Variants in SMC4 observed in about 807,000 individuals in gnomAD.
The protein encoded by SMC4 is structural maintenance of chromosomes 4, also known as structural maintenance of chromosomes protein 4.
In SMC4, 87 loss-of-function variants were observed where a neutral mutation model predicts 145.6. The observed-to-expected ratio is 0.60, with a 90% CI of 0.50 to 0.71. The LOEUF (loss-of-function observed/expected upper bound fraction) is 0.71, where lower values mean the gene tolerates loss of function less well. Ranked by LOEUF, SMC4 falls within the 30% of genes least tolerant of loss-of-function variation. The pLI is 0.00. For synonymous variants in SMC4, 558 were observed against 500.7 expected, an observed-to-expected ratio of 1.11 and a Z score of -1.53; for missense variants, 1,447 against 1,537.1, an observed-to-expected ratio of 0.94 and a Z score of 0.98.
At chr3:160,418,109 C>T (rs1716779791) in intron 11 of SMC4, among the ~76,000 whole-genome samples, 153 bp downstream of exon 11, 1 of 152,046 alleles carries the variant, frequency 6.6e-6, no homozygotes, top group Non-Finnish European at 1.5e-5. Context: ...TTCAGTATTC[C>T]ATATGTGAAC....
intron 11 of SMC4, 130 bp downstream of exon 11, chr3:160,418,086 A>G (rs1716777638): frequency 6.9e-6 from 5 of 725,500 alleles, no homozygotes; most frequent in Non-Finnish European, 9.2e-6. Context: ...TCTCAAAAGA[A>G]TGAGGTCAGC....
Position 160,420,787 on chromosome 3 carries a change from C to G in SMC4, c.1905C>G (p.Ser635=). 1 of 1,613,950 alleles carries G rather than the reference C, an allele frequency of 6.2e-7. No homozygotes were observed. The highest frequency in any genetic ancestry group is 8.5e-7 in the Non-Finnish European group (1 of 1,179,936). Residue 635 remains serine, a synonymous_variant, in exon 13 of 24, where the codon TCC becomes TCG. Coordinates refer to ENST00000357388, the MANE Select transcript of SMC4 (RefSeq NM_001002800.3). ...AAAAATACGACGTGGCTATATCATC[C>G]TGTTGTCATGCACTGGACTACATTG... is the stretch of plus-strand genomic sequence containing the variant. The part of the protein sequence containing the change: ...IDEKYDVAIS[S]CCHALDYIVV...
chr3:160,413,583 C>A lies in SMC4; in HGVS notation c.1091C>A (p.Ala364Asp). The A allele has an allele frequency of 1.4e-6, 2 of 1,457,342 alleles. No homozygotes were observed. Among genetic ancestry groups the A allele is most frequent in the Non-Finnish European group, 1.9e-6 (2 of 1,066,604 alleles). 90.3% of individuals were successfully genotyped at this position (1,457,342 alleles called of 1,614,324 possible). Residue 364 changes from alanine (A) to aspartate (D), a missense_variant, in exon 8 of 24, where the codon GCT becomes GAT. Transcript: ENST00000357388. ...AATATACTATCAAATGAAATGAAAG[C>A]TAAGAATAAAGATGTAAAAGATACA... ...KSNILSNEMKAKNKDVKDTEK... is the reference protein window; with the variant it reads ...KSNILSNEMKDKNKDVKDTEK...
chr3:160,422,400 T>C (rs955115795), intron 13 of SMC4, among the ~76,000 whole-genome samples: 9 of 152,240 alleles, frequency 5.9e-5, no homozygotes, highest in African/African-American at 1.7e-4. Context: ...TTAGTGAATA[T>C]GAAGTGGTAT....
chr3:160,433,432 G>A (rs1718635104), intron 23 of SMC4: 2 of 538,528 alleles, frequency 3.7e-6, no homozygotes, highest in South Asian at 3.1e-5. Context: ...ATTAGTAGCA[G>A]AATCACAGCT....
intron 12 of SMC4, 156 bp from the exon 13 acceptor site, chr3:160,420,584 A>G: frequency 1.6e-6 from 1 of 608,782 alleles, no homozygotes; most frequent in Non-Finnish European, 2.7e-6. Context: ...TCATAAACTT[A>G]TACATATTTT....
At chr3:160,426,409 G>A (rs1052215679) in intron 17 of SMC4, among the ~76,000 whole-genome samples, 3 of 152,184 alleles carry the variant, frequency 2.0e-5, no homozygotes, top group African/African-American at 7.2e-5. Flanking sequence ...CACACAGCAC[G>A]TGGTGGTATA....
intron 4 of SMC4, among the ~76,000 whole-genome samples, chr3:160,403,201 A>T (rs1423450140): frequency 1.3e-5 from 2 of 152,146 alleles, no homozygotes; most frequent in African/African-American, 2.4e-5. Context: ...TTTAGAATAA[A>T]TTAGCTAAAC....
At chr3:160,421,323 G>T (rs893641068) in intron 13 of SMC4, among the ~76,000 whole-genome samples, 2 of 152,078 alleles carry the variant, frequency 1.3e-5, no homozygotes, top group African/African-American at 4.8e-5. Context: ...GGGTTTTGAC[G>T]ATTATTTTAT....
rs1717435700 is a variant in SMC4 at position 160,423,588 on chromosome 3, C to T, written c.2183C>T (p.Ala728Val). 7.4e-6 allele frequency: 12 copies of T among 1,613,460 alleles called. No homozygotes were observed. The highest frequency in any genetic ancestry group is 1.0e-5 in the Non-Finnish European group (12 of 1,179,772). The stretch of plus-strand genomic sequence containing the variant: ...AACTTGGATCAAGCCACAAGAGTAG[C>T]ATATCAAAAAGATAGAAGATGGAGA... ...ADNLDQATRV[A>V]YQKDRRWRVV... is the part of the protein sequence containing the mutation. The change falls in exon 14 of 24, where the codon GCA becomes GTA. Residue 728 changes from alanine (A) to valine (V), a missense_variant. Coordinates refer to ENST00000357388, the MANE Select transcript of SMC4 (RefSeq NM_001002800.3).
rs758896273 is a variant in SMC4, at chr3:160,433,637, TTTTC to T, written c.3715-16_3715-13del. The T allele has an allele frequency of 2.0e-5, 29 of 1,467,050 alleles. No homozygotes were observed. Among genetic ancestry groups the T allele is most frequent in the African/African-American group, 4.3e-5 (3 of 69,736 alleles). 90.9% of individuals were successfully genotyped at this position (1,467,050 alleles called of 1,614,324 possible). A position where few individuals can be genotyped will look rare whatever the true frequency, so the allele number is the denominator to read the frequency against. Reference sequence around the variant, plus strand: ...TACCTGTTATTACTTAATGTTTGACTTTTCTTTGTTTCTCTTTAGGAACAAACAA... The same window carrying T: ...TACCTGTTATTACTTAATGTTTGACTTTTGTTTCTCTTTAGGAACAAACAA... On this transcript the variant is annotated splice_polypyrimidine_tract_variant and intron_variant, in intron 23 of 23. Transcript: ENST00000357388.
At chr3:160,420,349 T>G (rs1717033097) in intron 12 of SMC4, among the ~76,000 whole-genome samples, 1 of 152,252 alleles carries the variant, frequency 6.6e-6, no homozygotes, top group African/African-American at 2.4e-5. Context: ...CCTATTCATT[T>G]GCTCTCAAAG....
rs1393008413 is a variant in SMC4, at chr3:160,433,859, T to G, written c.*50T>G. ...TTGATTCAGTGTATTACTGATTTTT[T>G]TCTATTTGTAAAGGATTATGAGTTG... On this transcript the variant is annotated 3_prime_UTR_variant, in exon 24 of 24. Transcript: ENST00000357388. 2.8e-6 allele frequency: 4 copies of G among 1,424,836 alleles called. No individual in the cohort carries two copies. Among genetic ancestry groups the G allele is most frequent in the Non-Finnish European group, 3.9e-6 (4 of 1,034,466 alleles). The allele number at this position is 1,424,836 out of a possible 1,614,324, so 88.3% of individuals were successfully genotyped here. A position where few individuals can be genotyped will look rare whatever the true frequency, so the allele number is the denominator to read the frequency against.
intron 10 of SMC4, 153 bp downstream of exon 10, chr3:160,416,568 T>C: frequency 2.3e-6 from 1 of 440,924 alleles, no homozygotes; most frequent in Admixed American, 4.0e-5. Flanking sequence ...CTTAGATGAC[T>C]ATTCTTTTAA....
In SMC4 at chr3:160,412,391, C is replaced by A. The variant is rs774992051; in HGVS notation, c.918C>A (p.Ile306=). The change falls in exon 7 of 24, where the codon ATC becomes ATA. Residue 306 remains isoleucine (I), a synonymous_variant. Coordinates refer to ENST00000357388, the MANE Select transcript of SMC4 (RefSeq NM_001002800.3). ...TAGAAGGAGAGAAAAACATAGCTAT[C>A]GAATTTCTTACCTTGGAAAATGAAA... The part of the protein sequence containing the change: ...DALEGEKNIA[I]EFLTLENEIF... 3.1e-6 allele frequency: 5 copies of A among 1,603,966 alleles called. No individual in the cohort carries two copies. In the African/African-American group the frequency reaches 6.7e-5, roughly 21 times the overall value.
At chr3:160,401,865 G>A in intron 2 of SMC4, 50 bp from the exon 3 acceptor site, 1 of 1,477,470 alleles carries the variant, frequency 6.8e-7, no homozygotes, top group Non-Finnish European at 9.2e-7. Context: ...ACTAATGTAG[G>A]CTTTTCCCCC....
intron 22 of SMC4, 38 bp downstream of exon 22, chr3:160,432,553 CT>C (rs1176144266): frequency 8.7e-6 from 11 of 1,260,210 alleles, no homozygotes; most frequent in Non-Finnish European, 1.2e-5. Context: ...CCACTGTTAC[CT>C]TTTTCTACAT....
chr3:160,413,496 C>T lies in SMC4; in HGVS notation c.1004C>T (p.Ala335Val), dbSNP rs140022100. ...YYIYELQKRI[A>V]EMETQKEKIH... The stretch of plus-strand genomic sequence containing the variant: ...AGTTATGAGTTGCAGAAACGAATTG[C>T]TGAAATGGAAACTCAAAAGGAAAAA... The change falls in exon 8 of 24, where the codon GCT (alanine) becomes GTT (valine). Residue 335 changes from alanine to valine, a missense_variant. Transcript: ENST00000357388. 3 of 1,576,466 alleles carry T rather than the reference C, an allele frequency of 1.9e-6. No individual in the cohort carries two copies. In the African/African-American group the frequency reaches 4.2e-5, roughly 22 times the overall value.
At chr3:160,429,977 A>C (rs1051244058) in intron 18 of SMC4, among the ~76,000 whole-genome samples, 1 of 151,990 alleles carries the variant, frequency 6.6e-6, no homozygotes, top group African/African-American at 2.4e-5. Flanking sequence ...AGCCTCCCAA[A>C]GTGCTGGGAT....
Sources: allele counts gnomAD v4.1 joint callset (sites outside exome capture counted in the v4.1 genomes callset), GRCh38; gene constraint gnomAD v4.1.1; transcripts MANE v1.5; gene names NCBI Gene and HGNC (gene_info 2026-07-23, HGNC 2026-07-21).